ARHGAP35: variants seen among roughly 807,000 people sequenced by gnomAD.
ARHGAP35 encodes rho GTPase-activating protein 35.
A neutral mutation model predicts 111.1 loss-of-function variants in ARHGAP35; 15 were observed. The observed-to-expected ratio is 0.13, with a 90% CI of 0.09 to 0.21. The LOEUF (loss-of-function observed/expected upper bound fraction) is 0.21. Ranked by LOEUF, ARHGAP35 falls within the 10% of genes least tolerant of loss-of-function variation. The probability of loss-of-function intolerance (pLI) is 1.00; values close to 1 mark genes in which losing one functional copy is unlikely to be tolerated. For synonymous variants in ARHGAP35, 643 were observed against 710.3 expected, an observed-to-expected ratio of 0.91 and a Z score of 1.51; for missense variants, 1,262 against 1,873.0, an observed-to-expected ratio of 0.67 and a Z score of 6.02.
intron 1 of ARHGAP35, among the ~76,000 whole-genome samples, chr19:46,879,448 G>T (rs571772423): frequency 6.6e-6 from 1 of 151,914 alleles, no homozygotes; most frequent in Non-Finnish European, 1.5e-5. Flanking sequence ...TTAGCTGAGC[G>T]TGGTGACACA....
At chr19:46,929,106 A>G (rs978509919) in intron 2 of ARHGAP35, among the ~76,000 whole-genome samples, 1 of 152,180 alleles carries the variant, frequency 6.6e-6, no homozygotes, top group Non-Finnish European at 1.5e-5. Flanking sequence ...TCATGGTATT[A>G]ACTGCCAGCT....
At chr19:46,909,020 A>C (rs771406503) in intron 1 of ARHGAP35, among the ~76,000 whole-genome samples, 17 of 152,042 alleles carry the variant, frequency 1.1e-4, no homozygotes, top group Non-Finnish European at 1.2e-4. Context: ...CTTTAGAGCC[A>C]AGAGTGGTGT....
Position 46,918,070 on chromosome 19 carries a change from C to T in ARHGAP35, c.-188-418C>T, listed in dbSNP as rs567008811. Among the ~76,000 whole-genome samples, 4 of 152,270 alleles carry T rather than the reference C, an allele frequency of 2.6e-5. No homozygotes were observed. Among genetic ancestry groups the T allele is most frequent in the African/African-American group, 9.6e-5 (4 of 41,550 alleles). ...TCATTACCATACTTAATTATTGTGG[C>T]GCTCAAATTGTCCCAGAGTTGGCCA... On this transcript the variant is annotated intron_variant, in intron 1 of 6. Transcript: ENST00000672722. This position sits in a 1 kb window ranked among gnomAD's most constrained non-coding sequence, Gnocchi z 5.4.
chr19:46,912,044 TC>T (rs1334936256), intron 1 of ARHGAP35, among the ~76,000 whole-genome samples: 3 of 151,560 alleles, frequency 2.0e-5, no homozygotes, highest in Non-Finnish European at 2.9e-5. Context: ...TCCCTTCTTT[TC>T]TTTTTTTTTT....
intron 3 of ARHGAP35, among the ~76,000 whole-genome samples, chr19:46,939,156 G>A (rs1555760487): frequency 6.7e-6 from 1 of 150,176 alleles, no homozygotes; most frequent in Non-Finnish European, 1.5e-5. Context: ...TTTTCCTGCT[G>A]TAGACACAGG....
rs73564863 is a variant in ARHGAP35 at position 46,991,599 on chromosome 19, G to A, written c.4036+1924G>A. Among the ~76,000 whole-genome samples, 1,519 of 152,278 alleles carry A rather than the reference G, an allele frequency of 1.0e-2. 18 individuals are homozygous for A. Among genetic ancestry groups the A allele is most frequent in the African/African-American group, 0.035 (1,434 of 41,548 alleles). On this transcript the variant is annotated intron_variant, in intron 5 of 6. Transcript: ENST00000672722. ...CCATTGTGTGTTTCCTGTCCCCGAC[G>A]GTACTCAGCGGGGGCTCCGTTGTCT... is the stretch of plus-strand genomic sequence containing the variant.
chr19:46,897,672 G>T (rs2056064468), intron 1 of ARHGAP35, among the ~76,000 whole-genome samples: 1 of 144,328 alleles, frequency 6.9e-6, no homozygotes, highest in Admixed American at 7.0e-5. Flanking sequence ...TTTGTAATGG[G>T]ATTTTCAGGC....
intron 3 of ARHGAP35, among the ~76,000 whole-genome samples, chr19:46,979,909 G>A (rs973546222): frequency 6.6e-6 from 1 of 152,140 alleles, no homozygotes; most frequent in Non-Finnish European, 1.5e-5. Context: ...GTTCAAGGAG[G>A]AGAGCAGCCA....
intron 1 of ARHGAP35, among the ~76,000 whole-genome samples, chr19:46,884,957 A>G (rs1384152324): frequency 6.6e-6 from 1 of 152,112 alleles, no homozygotes; most frequent in East Asian, 1.9e-4. Flanking sequence ...GCCTCAAGTG[A>G]TCTTCCTGCC....
chr19:46,924,957 A>C (rs1248547662), intron 2 of ARHGAP35, among the ~76,000 whole-genome samples: 1 of 152,212 alleles, frequency 6.6e-6, no homozygotes, highest in Non-Finnish European at 1.5e-5. Flanking sequence ...CTCAGCAGAA[A>C]ACAGCTGATC....
intron 3 of ARHGAP35, among the ~76,000 whole-genome samples, chr19:46,950,565 CA>C (rs1401406794): frequency 6.6e-6 from 1 of 152,236 alleles, no homozygotes; most frequent in Admixed American, 6.5e-5. Context: ...CAGAGGCAGT[CA>C]GGGGATCTCT....
chr19:46,862,344 C>G (rs1329875952), intron 1 of ARHGAP35, among the ~76,000 whole-genome samples: 2 of 152,174 alleles, frequency 1.3e-5, no homozygotes, highest in Admixed American at 1.3e-4. Context: ...TGGCACTCCT[C>G]TGAGCTACTG....
Position 47,000,501 on chromosome 19 carries a change from A to ATCG in ARHGAP35, c.4314_4316dup (p.Arg1439dup), listed in dbSNP as rs1287582200. On this transcript the variant is annotated inframe_insertion, in exon 7 of 7. Transcript: ENST00000672722. This position sits in a 1 kb window ranked among gnomAD's most constrained non-coding sequence, Gnocchi z 6.9. ...CAGCAGTGCCCCTTCTTCTTCTACA[A>ATCG]TCGGCCCATCACCGAGCCCCCCGGC... 6.2e-7 allele frequency: 1 copy of ATCG among 1,613,422 alleles called. No homozygotes were observed. The highest frequency in any genetic ancestry group is 1.7e-5 in the Admixed American group (1 of 59,982).
At chr19:46,953,056 A>G (rs1218970099) in intron 3 of ARHGAP35, among the ~76,000 whole-genome samples, 1 of 151,684 alleles carries the variant, frequency 6.6e-6, no homozygotes, top group Non-Finnish European at 1.5e-5. Context: ...CTGTGAAGAC[A>G]CTCCTTTTTT....
chr19:46,977,759 G>T (rs893842391), intron 3 of ARHGAP35, among the ~76,000 whole-genome samples: 1 of 152,198 alleles, frequency 6.6e-6, no homozygotes, highest in Non-Finnish European at 1.5e-5. Flanking sequence ...CGGACTGCCC[G>T]GGTGTGAATC....
At chr19:46,912,447 A>G (rs2056142312) in intron 1 of ARHGAP35, among the ~76,000 whole-genome samples, 1 of 149,858 alleles carries the variant, frequency 6.7e-6, no homozygotes, top group Admixed American at 6.6e-5. Context: ...CTGGCCTTCC[A>G]GGTTCACGCC....
At chr19:46,866,538 A>T (rs1408074479) in intron 1 of ARHGAP35, among the ~76,000 whole-genome samples, 1 of 152,146 alleles carries the variant, frequency 6.6e-6, no homozygotes, top group Admixed American at 6.5e-5. Flanking sequence ...TGAAGCCTGG[A>T]GTGCTGTCCA....
rs1411674156 is a variant in ARHGAP35 at position 46,921,896 on chromosome 19, G to T, written c.3221G>T (p.Ser1074Ile). ...RDGQRKSVSS[S>I]PWLPQDGFDP... The stretch of plus-strand genomic sequence containing the variant: ...GGACAGAGGAAGTCTGTGTCTTCTA[G>T]CCCCTGGCTGCCTCAGGATGGGTTT... Residue 1074 changes from serine to isoleucine, a missense_variant, in exon 2 of 7, where the codon AGC becomes ATC. Physicochemically the swap from Ser to Ile is moderately radical, Grantham distance 142. Around this residue, in one of 8 missense-constraint regions of ARHGAP35, gnomAD observed 579 missense variants for 716.9 expected, o/e 0.81. Transcript: ENST00000672722. The surrounding 1 kb of genome is among the most constrained non-coding windows in gnomAD (Gnocchi z 4.3). The T allele has an allele frequency of 6.8e-6, 11 of 1,613,848 alleles. No homozygotes were observed. Among genetic ancestry groups the T allele is most frequent in the African/African-American group, 1.3e-5 (1 of 74,924 alleles).
At chr19:46,935,057 T>C (rs929425899) in intron 2 of ARHGAP35, among the ~76,000 whole-genome samples, 13 of 152,248 alleles carry the variant, frequency 8.5e-5, no homozygotes, top group Non-Finnish European at 1.8e-4. Context: ...TGTAAATGTA[T>C]ATCATACATC....
Sources: gnomAD v4.1 joint callset for allele counts (sites outside exome capture counted in the v4.1 genomes callset) on GRCh38, gnomAD v4.1.1 for gene constraint, gnomAD v4.1.1 regional missense constraint, Gnocchi (gnomAD v3.1) non-coding constraint, MANE v1.5 for transcripts, NCBI Gene and HGNC (gene_info 2026-07-23, HGNC 2026-07-21) for gene names.